The following CCDC171 variants were observed in gnomAD, a reference collection of about 807,000 sequenced individuals.
CCDC171 encodes the protein coiled-coil domain-containing protein 171.
Under a neutral mutation model 168.2 loss-of-function variants are expected in CCDC171, and 177 were observed. The ratio of observed to expected loss-of-function variants is 1.05; its 90% CI spans 0.93 to 1.19. CCDC171 has a LOEUF of 1.19. CCDC171 is among the 50% of genes most tolerant of loss of function. The pLI is 0.00. For missense variants in CCDC171, 1,991 were observed against 1,539.0 expected (o/e 1.29, Z -4.91); for synonymous variants, 687 against 540.8 (o/e 1.27, Z -3.75).
At chr9:15,578,301 C>T (rs535831635) in intron 3 of CCDC171, among the ~76,000 whole-genome samples, 1 of 149,604 alleles carries the variant, frequency 6.7e-6, no homozygotes, top group East Asian at 2.0e-4. Flanking sequence ...GTGGCATGGT[C>T]TCTGCTCACT....
chr9:15,855,886 C>T (rs775665700), intron 23 of CCDC171, among the ~76,000 whole-genome samples: 1 of 151,876 alleles, frequency 6.6e-6, no homozygotes, highest in African/African-American at 2.4e-5. Context: ...TGCCCGTCAA[C>T]ATAGTTTATA....
In CCDC171 at chr9:15,662,281, C is replaced by G. The variant is rs867622133; in HGVS notation, c.916-3882C>G. ...GACAGAGTGAGACTCTGTCCCCATCCCCCCTCCCCCCCAAAAAAGAATAAA... is the reference window on the plus strand; with the variant it reads ...GACAGAGTGAGACTCTGTCCCCATCGCCCCTCCCCCCCAAAAAAGAATAAA... On this transcript the variant is annotated intron_variant, in intron 8 of 25. Coordinates refer to ENST00000380701, the MANE Select transcript of CCDC171 (RefSeq NM_173550.4). Among the ~76,000 whole-genome samples the G allele has an allele frequency of 1.3e-3, 193 of 151,792 alleles. 1 individual carries two copies. The highest frequency in any genetic ancestry group is 4.5e-3 in the African/African-American group (187 of 41,390).
chr9:15,848,657 T>C (rs1464908270), intron 22 of CCDC171, among the ~76,000 whole-genome samples: 4 of 151,808 alleles, frequency 2.6e-5, no homozygotes, highest in Non-Finnish European at 5.9e-5. Context: ...CAACAAAATT[T>C]AAGATATTAG....
chr9:15,672,807 C>G (rs1366366205), intron 9 of CCDC171, among the ~76,000 whole-genome samples: 1 of 152,138 alleles, frequency 6.6e-6, no homozygotes, highest in Non-Finnish European at 1.5e-5. Flanking sequence ...TTGCTTTGTT[C>G]TTTTTGCTTA....
intron 6 of CCDC171, among the ~76,000 whole-genome samples, chr9:15,603,827 C>T (rs1478525753): frequency 6.6e-6 from 1 of 152,210 alleles, no homozygotes; most frequent in Non-Finnish European, 1.5e-5. Context: ...GGAATTGCCA[C>T]ACTGTCTTCC....
At chr9:15,705,293 A>C (rs1157431879) in intron 11 of CCDC171, among the ~76,000 whole-genome samples, 1 of 152,226 alleles carries the variant, frequency 6.6e-6, no homozygotes. Flanking sequence ...TACAACAACA[A>C]AAAACCTAAG....
At chr9:15,847,304 A>G (rs1393412452) in intron 22 of CCDC171, among the ~76,000 whole-genome samples, 3 of 152,248 alleles carry the variant, frequency 2.0e-5, no homozygotes, top group Middle Eastern at 3.4e-3. Flanking sequence ...GTATCATAGC[A>G]TTTAAAAAAT....
intron 7 of CCDC171, among the ~76,000 whole-genome samples, chr9:15,647,103 A>T (rs549842861): frequency 3.9e-5 from 6 of 152,350 alleles, no homozygotes; most frequent in Admixed American, 2.6e-4. Context: ...AAACTCACTC[A>T]AAACCGCTCA....
chr9:15,865,997 A>C (rs1026545709), intron 23 of CCDC171, among the ~76,000 whole-genome samples: 2 of 152,016 alleles, frequency 1.3e-5, no homozygotes, highest in African/African-American at 4.8e-5. Context: ...ATGAGGAAGA[A>C]GGGAAAAGTA....
chr9:15,726,730 C>T (rs1043290499), intron 14 of CCDC171, among the ~76,000 whole-genome samples: 7 of 151,842 alleles, frequency 4.6e-5, no homozygotes, highest in Non-Finnish European at 1.0e-4. Flanking sequence ...TTTACATATG[C>T]TATATTCAGT....
At position 15,744,631 on chromosome 9, in the gene CCDC171, A is replaced by G. The variant is rs770784609; in HGVS notation, c.2408A>G (p.Lys803Arg). The change falls in exon 17 of 26, where the codon AAA becomes AGA. Residue 803 changes from lysine (K) to arginine (R), a missense_variant. Coordinates refer to ENST00000380701, the MANE Select transcript of CCDC171 (RefSeq NM_173550.4). ...TFKGLIRIFR[K>R]GVIAVLAANR... ...AAAGGATTGATACGTATATTTCGGA[A>G]AGGTGTTATTGCTGTTTTGGCAGCA... The G allele has an allele frequency of 3.7e-6, 6 of 1,614,066 alleles. No homozygotes were observed. Among genetic ancestry groups the G allele is most frequent in the Non-Finnish European group, 5.1e-6 (6 of 1,180,020 alleles).
chr9:16,036,021 T>G (rs1455240403), intron 7 of CCDC171: 3 of 152,124 alleles, frequency 2.0e-5, no homozygotes, highest in African/African-American at 7.2e-5. Flanking sequence ...ACAAGAGAAG[T>G]GTTGAAGAAA....
At chr9:15,690,362 G>C (rs937720918) in intron 10 of CCDC171, among the ~76,000 whole-genome samples, 2 of 152,164 alleles carry the variant, frequency 1.3e-5, no homozygotes, top group African/African-American at 4.8e-5. Context: ...GAAACAGTAA[G>C]GAGTTCAAAA....
chr9:16,092,132 G>A, the CCDC171 span, among the ~76,000 whole-genome samples: 6 of 152,292 alleles, frequency 3.9e-5, no homozygotes, highest in Admixed American at 2.0e-4. Context: ...AAAGCAAATA[G>A]GATCTGCCTC....
At chr9:15,721,011 A>G (rs1296510818) in intron 11 of CCDC171, among the ~76,000 whole-genome samples, 1 of 152,192 alleles carries the variant, frequency 6.6e-6, no homozygotes, top group Non-Finnish European at 1.5e-5. Context: ...TTTTGGATTA[A>G]TACTTGGAGC....
chr9:15,722,199 A>T (rs182501253), intron 12 of CCDC171, among the ~76,000 whole-genome samples: 41 of 152,322 alleles, frequency 2.7e-4, no homozygotes, highest in African/African-American at 8.9e-4. Context: ...CTGTATTTAA[A>T]TGTCAGTGTG....
chr9:16,064,028 C>T (rs1833965146), downstream of CCDC171, among the ~76,000 whole-genome samples: 1 of 152,220 alleles, frequency 6.6e-6, no homozygotes, highest in East Asian at 1.9e-4. Context: ...CCTTTTTCCA[C>T]AGTGAAAAAC....
chr9:15,721,805 C>T lies in CCDC171; in HGVS notation c.1355C>T (p.Ser452Phe), dbSNP rs2053498270. 2.6e-6 allele frequency: 4 copies of T among 1,564,620 alleles called. No homozygotes were observed. The highest frequency in any genetic ancestry group is 3.5e-6 in the Non-Finnish European group (4 of 1,154,806). The change falls in exon 12 of 26, where the codon TCT becomes TTT. Residue 452 changes from serine (S) to phenylalanine (F), a missense_variant. By Grantham distance (155) the Ser-to-Phe change is radical. Transcript: ENST00000380701. ...GACAAAGATAAACCTCCCAGCTTCT[C>T]TGTTGTCCTTGAGAGATTGAGGCGT... Reference protein sequence around the residue: ...HKDKDKPPSFSVVLERLRRTL... With the variant: ...HKDKDKPPSFFVVLERLRRTL...
intron 6 of CCDC171, among the ~76,000 whole-genome samples, chr9:15,614,308 A>C (rs2043926061): frequency 6.6e-6 from 1 of 152,190 alleles, no homozygotes; most frequent in Admixed American, 6.5e-5. Context: ...CCTTCCCCAC[A>C]GTGCTGGCTA....
Sources: gnomAD v4.1 joint callset for allele counts (sites outside exome capture counted in the v4.1 genomes callset) on GRCh38, gnomAD v4.1.1 for gene constraint, MANE v1.5 for transcripts, NCBI Gene and HGNC (gene_info 2026-07-23, HGNC 2026-07-21) for gene names.